The following PHKA2 variants were observed in gnomAD, a reference collection of about 807,000 sequenced individuals.
The protein encoded by PHKA2 is phosphorylase kinase regulatory subunit alpha 2, also known as phosphorylase b kinase regulatory subunit alpha, liver isoform.
In PHKA2, 31 loss-of-function variants were observed where a neutral mutation model predicts 102.0. The ratio of observed to expected loss-of-function variants is 0.30; its 90% CI spans 0.23 to 0.41. The LOEUF is 0.41. PHKA2 is among the 10% of genes least tolerant of loss of function. PHKA2 has a pLI of 1.00. For synonymous variants in PHKA2, 455 were observed against 416.2 expected, an observed-to-expected ratio of 1.09 and a Z score of -1.13; for missense variants, 858 against 1,023.1, an observed-to-expected ratio of 0.84 and a Z score of 2.20.
intron 1 of PHKA2, among the ~76,000 whole-genome samples, chrX:18,974,565 A>T (rs1251939208): frequency 9.0e-6 from 1 of 111,715 alleles, no homozygotes; most frequent in Non-Finnish European, 1.9e-5. Context: ...CCTAAACAAC[A>T]GAAATATATT....
chrX:18,925,783 T>G lies in PHKA2; in HGVS notation c.1460-6A>C. Reference sequence around the variant, plus strand: ...ATTCATATTCTTATTCCGTCCTGTTTGAGAAGTAAAAGATAAATTGGAGTT... The same window carrying G: ...ATTCATATTCTTATTCCGTCCTGTTGGAGAAGTAAAAGATAAATTGGAGTT... On this transcript the variant is annotated splice_polypyrimidine_tract_variant and splice_region_variant and intron_variant, in intron 14 of 32. Transcript: ENST00000379942. The G allele has an allele frequency of 9.0e-7, 1 of 1,116,071 alleles. No individual in the cohort carries two copies. Among genetic ancestry groups the G allele is most frequent in the Non-Finnish European group, 1.2e-6 (1 of 808,599 alleles). The allele number at this position is 1,116,071 out of a possible 1,213,427, so 92.0% of individuals were successfully genotyped here. A position where few individuals can be genotyped will look rare whatever the true frequency, so the allele number is the denominator to read the frequency against.
chrX:18,901,681 C>T (rs931256562), intron 26 of PHKA2, 78 bp from the exon 27 acceptor site: 9 of 669,953 alleles, frequency 1.3e-5, no homozygotes, highest in Middle Eastern at 4.5e-4. Flanking sequence ...CCCTGTCTCC[C>T]CCACTTGACA....
chrX:18,895,019 T>C, intron 31 of PHKA2, 119 bp downstream of exon 31: 1 of 708,288 alleles, frequency 1.4e-6, no homozygotes, highest in Non-Finnish European at 2.3e-6. Context: ...AGCTCAGAGC[T>C]ACAAATGGCC....
chrX:18,896,789 T>TA (rs2047565433), intron 30 of PHKA2, among the ~76,000 whole-genome samples: 1 of 111,801 alleles, frequency 8.9e-6, no homozygotes, highest in African/African-American at 3.3e-5. Context: ...GTTCCTAAAA[T>TA]ACGTCCAAGT....
rs201183167 is a variant in PHKA2 at position 18,924,425 on chromosome X, G to C, written c.1670C>G (p.Thr557Arg). 3.1e-4 allele frequency: 379 copies of C among 1,208,612 alleles called. No homozygotes were observed. Among genetic ancestry groups the C allele is most frequent in the Non-Finnish European group, 6.4e-5 (57 of 894,366 alleles). The change falls in exon 16 of 33, where the codon ACG (threonine) becomes AGG (arginine). Residue 557 changes from threonine (T) to arginine (R), a missense_variant. Physicochemically the swap from Thr to Arg is moderately conservative, Grantham distance 71. Around this residue, in one of 2 missense-constraint regions of PHKA2, gnomAD observed 671 missense variants for 745.2 expected, o/e 0.90. Transcript: ENST00000379942. ...GGGGAAGGTGAGTGTGGGTCTGCCC[G>C]TCATCCTCCAGCAGGTGCACAGGTA... is the stretch of plus-strand genomic sequence containing the variant. ...LAYLCTCWRMTGRPTLTFPIS... is the reference protein window; with the variant it reads ...LAYLCTCWRMRGRPTLTFPIS...
intron 19 of PHKA2, among the ~76,000 whole-genome samples, chrX:18,914,624 C>T (rs1306951186): frequency 8.9e-6 from 1 of 112,090 alleles, no homozygotes; most frequent in African/African-American, 3.2e-5. Flanking sequence ...ACCTCACTCA[C>T]TCTGACAGAA....
intron 5 of PHKA2, among the ~76,000 whole-genome samples, chrX:18,945,503 T>C (rs1334605933): frequency 8.9e-6 from 1 of 112,749 alleles, no homozygotes; most frequent in East Asian, 2.8e-4. Flanking sequence ...CTCTAGTCAA[T>C]GCCTTTGAAC....
chrX:18,931,905 G>A (rs898744450), intron 11 of PHKA2, among the ~76,000 whole-genome samples, 157 bp from the exon 12 acceptor site: 3 of 112,369 alleles, frequency 2.7e-5, no homozygotes, highest in Non-Finnish European at 5.6e-5. Context: ...CCCCTTCCTC[G>A]GGGCTGCAAG....
intron 13 of PHKA2, among the ~76,000 whole-genome samples, chrX:18,927,258 T>C (rs185248340): frequency 1.0e-3 from 116 of 111,730 alleles, no homozygotes; most frequent in African/African-American, 3.1e-3. Context: ...GGGGAGCTGA[T>C]TGTGCCTGGG....
At chrX:18,982,218 C>CA (rs1349206568) in intron 1 of PHKA2, among the ~76,000 whole-genome samples, 1 of 111,689 alleles carries the variant, frequency 9.0e-6, no homozygotes, top group East Asian at 2.8e-4. Flanking sequence ...TCAAAGCTCT[C>CA]AAAATAAAGA....
At chrX:18,958,059 C>G (rs758730086) in intron 1 of PHKA2, among the ~76,000 whole-genome samples, 1 of 110,937 alleles carries the variant, frequency 9.0e-6, no homozygotes, top group East Asian at 2.8e-4. Context: ...AGGGTTTCAT[C>G]ATGTTGGTCA....
chrX:18,963,121 A>C (rs979488177), intron 1 of PHKA2, among the ~76,000 whole-genome samples: 63 of 112,661 alleles, frequency 5.6e-4, no homozygotes, highest in South Asian at 1.5e-3. Context: ...CTGCCTGTCC[A>C]GCCCCTGTCT....
At chrX:18,953,785 G>A (rs1185622707) in intron 2 of PHKA2, among the ~76,000 whole-genome samples, 2 of 111,132 alleles carry the variant, frequency 1.8e-5, no homozygotes, top group South Asian at 3.8e-4. Flanking sequence ...CCAGGAGTTC[G>A]AAACCAGCCT....
intron 1 of PHKA2, among the ~76,000 whole-genome samples, chrX:18,968,513 A>C (rs2048975641): frequency 9.0e-6 from 1 of 111,120 alleles, no homozygotes; most frequent in Admixed American, 9.5e-5. Context: ...CTTAAACGCC[A>C]GTTGAAATGT....
rs6633173 is a variant in PHKA2 at position 18,955,294 on chromosome X, C to G, written c.79-882G>C. ...TGTATGAAAAGTCTAGAAAAAGCAA[C>G]GCTATAGAGACATAAAGTAGATTAG... is the stretch of plus-strand genomic sequence containing the variant. On this transcript the variant is annotated intron_variant, in intron 1 of 32. Coordinates refer to ENST00000379942, the MANE Select transcript of PHKA2 (RefSeq NM_000292.3). Among the ~76,000 whole-genome samples, 150 of 109,866 alleles carry G rather than the reference C, an allele frequency of 1.4e-3. 3 individuals are homozygous for G. In the East Asian group the frequency reaches 0.039, roughly 28 times the overall value.
intron 2 of PHKA2, 137 bp from the exon 3 acceptor site, chrX:18,952,678 G>T: frequency 1.9e-6 from 1 of 537,803 alleles, no homozygotes; most frequent in Non-Finnish European, 3.3e-6. Context: ...CTACGTGAGT[G>T]TTCTGATGGT....
rs201884669 is a variant in PHKA2, at chrX:18,893,649, T to C, written c.3544A>G (p.Ile1182Val). Residue 1182 changes from isoleucine to valine, a missense_variant, in exon 33 of 33, where the codon ATT becomes GTT. By Grantham distance (29) the Ile-to-Val change is conservative (BLOSUM62 3). This residue lies in a region of PHKA2 where 671 missense variants were observed against 745.2 expected (regional missense o/e 0.90). Transcript: ENST00000379942. ...TTCTCCAGGGTGTCCATGGCACCAA[T>C]TGACACCTGCAGTAGGAAAGGGCAG... The part of the protein sequence containing the change: ...SQLFLQDQVS[I>V]GAMDTLEKDQ... 7 of 1,208,369 alleles carry C rather than the reference T, an allele frequency of 5.8e-6. No individual in the cohort carries two copies. The highest frequency in any genetic ancestry group is 3.5e-5 in the South Asian group (2 of 56,793).
chrX:18,922,306 A>T (rs1398030559), intron 17 of PHKA2, among the ~76,000 whole-genome samples: 2 of 112,307 alleles, frequency 1.8e-5, no homozygotes, highest in Non-Finnish European at 3.8e-5. Flanking sequence ...ATTCTCTCTC[A>T]GTTATGATGC....
chrX:18,895,057 C>G, intron 31 of PHKA2, 81 bp downstream of exon 31: 1 of 923,500 alleles, frequency 1.1e-6, no homozygotes. Flanking sequence ...CCAAAAGGAG[C>G]ACAAGAGGTC....
Sources: gnomAD v4.1 joint callset for allele counts (sites outside exome capture counted in the v4.1 genomes callset) on GRCh38, gnomAD v4.1.1 for gene constraint, gnomAD v4.1.1 regional missense constraint, MANE v1.5 for transcripts, NCBI Gene and HGNC (gene_info 2026-07-23, HGNC 2026-07-21) for gene names.